The following SDK1 variants were observed in gnomAD, a reference collection of about 807,000 sequenced individuals.
SDK1 encodes protein sidekick-1.
A neutral mutation model predicts 245.5 loss-of-function variants in SDK1; 157 were observed. The observed-to-expected ratio is 0.64, with a 90% CI of 0.56 to 0.73. The LOEUF (loss-of-function observed/expected upper bound fraction) is 0.73, where lower values mean the gene tolerates loss of function less well. SDK1 is among the 30% of genes least tolerant of loss of function. SDK1 has a pLI of 0.00. For synonymous variants in SDK1, 1,647 were observed against 1,278.5 expected, an observed-to-expected ratio of 1.29 and a Z score of -6.15; for missense variants, 3,583 against 3,002.3, an observed-to-expected ratio of 1.19 and a Z score of -4.52.
chr7:4,174,368 C>G lies in SDK1; in HGVS notation c.4936+11C>G. ...ATGCTGAGCTCACAGGTGAGACTGT[C>G]CCCTCTGTCCTGGTACAGGGAGGGA... On this transcript the variant is annotated intron_variant, in intron 33 of 44. Transcript: ENST00000404826. The G allele has an allele frequency of 6.2e-7, 1 of 1,613,338 alleles. No individual in the cohort carries two copies. Among genetic ancestry groups the G allele is most frequent in the South Asian group, 1.1e-5 (1 of 91,056 alleles).
At chr7:4,014,562 C>T (rs77666000) in intron 16 of SDK1, among the ~76,000 whole-genome samples, 1 of 152,196 alleles carries the variant, frequency 6.6e-6, no homozygotes, top group African/African-American at 2.4e-5. Flanking sequence ...TGTGTCAGAT[C>T]CGAGGCACAA....
intron 4 of SDK1, among the ~76,000 whole-genome samples, chr7:3,793,872 A>G (rs1239638845): frequency 6.6e-6 from 1 of 152,094 alleles, no homozygotes; most frequent in Non-Finnish European, 1.5e-5. Flanking sequence ...AGGTGGATCT[A>G]CCTAAGCCTG....
chr7:3,742,136 T>C (rs973057191), intron 4 of SDK1, among the ~76,000 whole-genome samples: 1 of 148,218 alleles, frequency 6.7e-6, no homozygotes. Flanking sequence ...TCTCTGTTCC[T>C]CTTTTTTTTT....
intron 14 of SDK1, among the ~76,000 whole-genome samples, chr7:3,996,043 T>C (rs981596252): frequency 6.6e-6 from 1 of 152,162 alleles, no homozygotes; most frequent in Non-Finnish European, 1.5e-5. Flanking sequence ...AAAGGTTTAA[T>C]TTTTAATATA....
intron 1 of SDK1, among the ~76,000 whole-genome samples, chr7:3,302,643 C>G (rs980948110): frequency 2.2e-5 from 3 of 138,114 alleles, no homozygotes; most frequent in Non-Finnish European, 4.7e-5. Flanking sequence ...AAACCCGTAA[C>G]GTACCCCTGC....
At chr7:4,153,413 C>T (rs191781086) in intron 30 of SDK1, among the ~76,000 whole-genome samples, 34 of 152,156 alleles carry the variant, frequency 2.2e-4, no homozygotes, top group African/African-American at 7.5e-4. Context: ...TGGTGAAACC[C>T]TGTCTCTACT....
rs188682369 is a variant in SDK1, at chr7:3,736,064, G to C, written c.714-85386G>C. Reference sequence around the variant, plus strand: ...GTTTTTCTCTTGTTGAATTGTAAGAGTTCTTTATATATTCTGAATATTAAC... The same window carrying C: ...GTTTTTCTCTTGTTGAATTGTAAGACTTCTTTATATATTCTGAATATTAAC... On this transcript the variant is annotated intron_variant, in intron 4 of 44. Transcript: ENST00000404826. Among the ~76,000 whole-genome samples the C allele has an allele frequency of 4.1e-4, 63 of 152,156 alleles. No individual in the cohort carries two copies. In the East Asian group the frequency reaches 9.5e-3, roughly 23 times the overall value.
chr7:4,165,757 T>G (rs1406315939), intron 32 of SDK1, among the ~76,000 whole-genome samples: 1 of 152,096 alleles, frequency 6.6e-6, no homozygotes, highest in Non-Finnish European at 1.5e-5. Context: ...CCCAAAGTGC[T>G]GGGATTACAG....
intron 2 of SDK1, among the ~76,000 whole-genome samples, chr7:3,627,407 G>T (rs574141138): frequency 1.3e-5 from 2 of 152,318 alleles, no homozygotes; most frequent in South Asian, 4.1e-4. Flanking sequence ...CACGTGTATA[G>T]GAGGTATTCA....
chr7:3,924,445 G>T (rs1000475877), intron 5 of SDK1, among the ~76,000 whole-genome samples: 4 of 152,174 alleles, frequency 2.6e-5, no homozygotes, highest in African/African-American at 9.7e-5. Context: ...AGCACGTCGT[G>T]GTGACGGGGT....
At chr7:3,517,948 GT>G (rs1456982037) in intron 1 of SDK1, among the ~76,000 whole-genome samples, 16 of 152,064 alleles carry the variant, frequency 1.1e-4, no homozygotes, top group African/African-American at 1.7e-4. Context: ...TTCATTTGAA[GT>G]TTTTTGTGTT....
chr7:3,950,274 C>G (rs1780750192), intron 5 of SDK1, among the ~76,000 whole-genome samples: 1 of 152,168 alleles, frequency 6.6e-6, no homozygotes, highest in South Asian at 2.1e-4. Flanking sequence ...CCCAGGGCTT[C>G]TCATGGGAGT....
chr7:3,523,200 A>G (rs1446465640), intron 1 of SDK1, among the ~76,000 whole-genome samples: 1 of 152,228 alleles, frequency 6.6e-6, no homozygotes, highest in Non-Finnish European at 1.5e-5. Context: ...GACCTGAATG[A>G]TGTAATGTTA....
At chr7:3,493,371 G>T (rs770239950) in intron 1 of SDK1, among the ~76,000 whole-genome samples, 4 of 152,118 alleles carry the variant, frequency 2.6e-5, no homozygotes, top group Non-Finnish European at 5.9e-5. Flanking sequence ...TTTAAGTCCA[G>T]AGCTCAGTCC....
intron 1 of SDK1, among the ~76,000 whole-genome samples, chr7:3,457,558 T>G (rs1222611135): frequency 6.6e-6 from 1 of 152,204 alleles, no homozygotes; most frequent in Admixed American, 6.5e-5. Flanking sequence ...CTCCTCTCTT[T>G]CCAGGTTTCT....
chr7:3,562,066 A>C (rs147443010), intron 1 of SDK1, among the ~76,000 whole-genome samples: 163 of 152,320 alleles, frequency 1.1e-3, no homozygotes, highest in African/African-American at 3.4e-3. Context: ...TACATAGTTG[A>C]TCTGGGACAG....
intron 4 of SDK1, among the ~76,000 whole-genome samples, chr7:3,820,957 C>T (rs1481712414): frequency 6.6e-6 from 1 of 152,230 alleles, no homozygotes; most frequent in African/African-American, 2.4e-5. Context: ...CAGCACTGTG[C>T]CCATTGGCGA....
At chr7:3,354,969 G>T (rs1157632410) in intron 1 of SDK1, among the ~76,000 whole-genome samples, 1 of 152,158 alleles carries the variant, frequency 6.6e-6, no homozygotes, top group African/African-American at 2.4e-5. Flanking sequence ...TTACTTTCTT[G>T]TGTCTGTGGG....
At chr7:3,518,404 A>G (rs1233517185) in intron 1 of SDK1, among the ~76,000 whole-genome samples, 2 of 152,120 alleles carry the variant, frequency 1.3e-5, no homozygotes, top group African/African-American at 4.8e-5. Context: ...GACAACCTAC[A>G]GAATGGGAGA....
Sources: allele counts gnomAD v4.1 joint callset (sites outside exome capture counted in the v4.1 genomes callset), GRCh38; gene constraint gnomAD v4.1.1; transcripts MANE v1.5; gene names NCBI Gene and HGNC (gene_info 2026-07-23, HGNC 2026-07-21).